Variants in PGM5 observed in about 807,000 individuals in gnomAD.
PGM5 encodes phosphoglucomutase-like protein 5.
In PGM5, 23 loss-of-function variants were observed where a neutral mutation model predicts 59.2. That is an observed-to-expected ratio of 0.39 (90% CI 0.28 to 0.55). The LOEUF (loss-of-function observed/expected upper bound fraction) is 0.55, where lower values mean the gene tolerates loss of function less well. Among genes scored for constraint, PGM5 ranks in the 20% least tolerant of loss-of-function variants. The pLI is 0.66. For synonymous variants in PGM5, 214 were observed against 286.0 expected, an observed-to-expected ratio of 0.75 and a Z score of 2.54; for missense variants, 574 against 748.3, an observed-to-expected ratio of 0.77 and a Z score of 2.72.
intron 7 of PGM5, among the ~76,000 whole-genome samples, chr9:68,471,459 C>G (rs1163091251): frequency 6.6e-6 from 1 of 151,924 alleles, no homozygotes; most frequent in Non-Finnish European, 1.5e-5. Context: ...ACCTTAAAAG[C>G]CACTGGAGAG....
At chr9:68,389,161 G>T (rs1424990765) in intron 4 of PGM5, among the ~76,000 whole-genome samples, 3 of 151,424 alleles carry the variant, frequency 2.0e-5, no homozygotes, top group Non-Finnish European at 2.9e-5. Flanking sequence ...CAAAACTTTT[G>T]TTTGTATTTT....
intron 7 of PGM5, among the ~76,000 whole-genome samples, chr9:68,474,814 G>T (rs1427721939): frequency 2.0e-5 from 3 of 150,896 alleles, no homozygotes; most frequent in Non-Finnish European, 2.9e-5. Flanking sequence ...TTCAAAAATT[G>T]TGCTGGTGTT....
intron 2 of PGM5, among the ~76,000 whole-genome samples, chr9:68,382,691 T>G (rs1181750573): frequency 6.6e-6 from 1 of 151,750 alleles, no homozygotes; most frequent in African/African-American, 2.4e-5. Context: ...ATTGTACATA[T>G]TTTTGGTGTG....
chr9:68,432,151 A>G lies in PGM5; in HGVS notation c.1044-32942A>G, dbSNP rs1823361147. ...GACTTTTCAGACATTGTATGTGCAT[A>G]CATCCCCACACACACCTTTATGTTG... On this transcript the variant is annotated intron_variant, in intron 6 of 10. Coordinates refer to ENST00000396396, the MANE Select transcript of PGM5 (RefSeq NM_021965.4). Among the ~76,000 whole-genome samples, 3 of 152,148 alleles carry G rather than the reference A, an allele frequency of 2.0e-5. No individual in the cohort carries two copies. The South Asian group carries it at 6.2e-4, about 32-fold the overall frequency.
chr9:68,458,693 T>C (rs1451780073), intron 6 of PGM5, among the ~76,000 whole-genome samples: 2 of 152,200 alleles, frequency 1.3e-5, no homozygotes, highest in Non-Finnish European at 2.9e-5. Context: ...GGCCCCAGGA[T>C]TGAATAGCAC....
At chr9:68,428,340 T>A (rs1395182077) in intron 6 of PGM5, among the ~76,000 whole-genome samples, 3 of 152,204 alleles carry the variant, frequency 2.0e-5, no homozygotes, top group Non-Finnish European at 4.4e-5. Context: ...TTGCATGGGA[T>A]ATTGGAGGCA....
In PGM5 at chr9:68,356,770, C is replaced by T. The variant is rs1197196932; in HGVS notation, c.-358C>T. 2.4e-5 allele frequency: 5 copies of T among 207,298 alleles called. No homozygotes were observed. The highest frequency in any genetic ancestry group is 4.8e-5 in the Non-Finnish European group (5 of 104,962). The allele number at this position is 207,298 out of a possible 1,614,324, so 12.8% of individuals were successfully genotyped here. A position where few individuals can be genotyped will look rare whatever the true frequency, so the allele number is the denominator to read the frequency against. On this transcript the variant is annotated 5_prime_UTR_variant, in exon 1 of 11. Coordinates refer to ENST00000396396, the MANE Select transcript of PGM5 (RefSeq NM_021965.4). ...GGCCAGGCGCGGGTGGAGGCGTCAC[C>T]GGGGTCGGGCTAGCAGGCCCTGGAA... is the stretch of plus-strand genomic sequence containing the variant.
At chr9:68,369,687 G>C (rs1197338813) in intron 1 of PGM5, among the ~76,000 whole-genome samples, 1 of 152,066 alleles carries the variant, frequency 6.6e-6, no homozygotes, top group East Asian at 1.9e-4. Flanking sequence ...GTGACTTTTC[G>C]GCACTTATTC....
chr9:68,415,793 A>ATCTATCTATCTG (rs782243895), intron 6 of PGM5, among the ~76,000 whole-genome samples: 27,689 of 85,642 alleles, frequency 0.32, 5,392 homozygotes, highest in Middle Eastern at 0.4. Context: ...CTATCTATCT[A>ATCTATCTATCTG]TCTATCTATC....
At chr9:68,479,673 G>A (rs1003653658) in intron 8 of PGM5, 120 bp downstream of exon 8, 10 of 944,950 alleles carry the variant, frequency 1.1e-5, no homozygotes, top group Non-Finnish European at 9.2e-6. Context: ...GGTGGCTCAC[G>A]CCTGTAATCC....
At chr9:68,499,422 T>C (rs1824535122) in intron 10 of PGM5, 61 bp downstream of exon 10, 2 of 1,546,434 alleles carry the variant, frequency 1.3e-6, no homozygotes, top group Admixed American at 1.9e-5. Flanking sequence ...TTTAGAGAGC[T>C]CCATGGGCCT....
chr9:68,451,407 C>T (rs549838770), intron 6 of PGM5, among the ~76,000 whole-genome samples: 34 of 152,180 alleles, frequency 2.2e-4, no homozygotes, highest in African/African-American at 8.2e-4. Context: ...AATATCATTG[C>T]CAATAGTTAA....
intron 6 of PGM5, among the ~76,000 whole-genome samples, chr9:68,422,096 T>TA (rs574100980): frequency 3.4e-4 from 51 of 148,696 alleles, no homozygotes; most frequent in African/African-American, 7.1e-4. Flanking sequence ...TTTTTAAATG[T>TA]AAAAAAAAAA....
chr9:68,510,063 A>G (rs929670493), intron 10 of PGM5, among the ~76,000 whole-genome samples: 7 of 151,786 alleles, frequency 4.6e-5, no homozygotes, highest in Non-Finnish European at 1.0e-4. Context: ...ATTGTTAGGG[A>G]GCACCCCAAC....
At chr9:68,398,714 A>T (rs1822580534) in intron 6 of PGM5, 1 of 152,200 alleles carries the variant, frequency 6.6e-6, no homozygotes, top group Non-Finnish European at 1.5e-5. Flanking sequence ...AGGGCATTTG[A>T]TGAAGTGGGG....
rs550979601 is a variant in PGM5 at position 68,511,139 on chromosome 9, C to T, written c.1614+11778C>T. On this transcript the variant is annotated intron_variant, in intron 10 of 10. Coordinates refer to ENST00000396396, the MANE Select transcript of PGM5 (RefSeq NM_021965.4). ...TTCTCTACAGAAGGCCGATTTCCCC[C>T]ACAAAAGATGGCTTTGTAGAGCCAT... 3.0e-4 allele frequency among the ~76,000 whole-genome samples: 46 copies of T among 152,288 alleles called. 1 individual carries two copies. Among genetic ancestry groups the T allele is most frequent in the Admixed American group, 2.8e-3 (43 of 15,308 alleles).
rs571502581 is a variant in PGM5 at position 68,421,610 on chromosome 9, G to A, written c.1043+29137G>A. Among the ~76,000 whole-genome samples, 8 of 152,068 alleles carry A rather than the reference G, an allele frequency of 5.3e-5. No individual in the cohort carries two copies. The South Asian group carries it at 8.3e-4, about 16-fold the overall frequency. ...TGCGTGCCTGTAATCCCAGCTATTC[G>A]GGAGGCTGAGGCAGGAGAATCACTT... On this transcript the variant is annotated intron_variant, in intron 6 of 10. Transcript: ENST00000396396.
At chr9:68,500,098 G>T (rs1347064739) in intron 10 of PGM5, among the ~76,000 whole-genome samples, 1 of 137,068 alleles carries the variant, frequency 7.3e-6, no homozygotes, top group African/African-American at 2.6e-5. Flanking sequence ...TTGAAGCAAG[G>T]TCCTTGATAA....
At chr9:68,504,356 G>T (rs994692364) in intron 10 of PGM5, among the ~76,000 whole-genome samples, 1 of 152,150 alleles carries the variant, frequency 6.6e-6, no homozygotes, top group Non-Finnish European at 1.5e-5. Flanking sequence ...AGCTCTGATA[G>T]AATCCTCCCC....
Sources: allele counts gnomAD v4.1 joint callset (sites outside exome capture counted in the v4.1 genomes callset), GRCh38; gene constraint gnomAD v4.1.1; transcripts MANE v1.5; gene names NCBI Gene and HGNC (gene_info 2026-07-23, HGNC 2026-07-21).